THAP5: variants seen among roughly 807,000 people sequenced by gnomAD.
THAP5 encodes THAP domain-containing protein 5.
In THAP5, 26 loss-of-function variants were observed where a neutral mutation model predicts 34.0. The observed-to-expected ratio is 0.77, with a 90% confidence interval of 0.56 to 1.06. THAP5 has a LOEUF of 1.06. THAP5 is among the 50% of genes least tolerant of loss of function. The pLI is 0.00. For synonymous variants in THAP5, 125 were observed against 153.0 expected (o/e 0.82, Z 1.35); for missense variants, 394 against 452.8 (o/e 0.87, Z 1.18).
rs869034514 is a variant in THAP5 at position 108,563,537 on chromosome 7, C to CAAAAAAAAAA, written c.*644_*653dup. 3 of 68,446 alleles carry CAAAAAAAAAA rather than the reference C, an allele frequency of 4.4e-5. No individual in the cohort carries two copies. Among genetic ancestry groups the CAAAAAAAAAA allele is most frequent in the African/African-American group, 5.8e-5 (1 of 17,176 alleles). The allele number at this position is 68,446 out of a possible 1,614,324, so 4.2% of individuals were successfully genotyped here. A position where few individuals can be genotyped will look rare whatever the true frequency, so the allele number is the denominator to read the frequency against. On this transcript the variant is annotated 3_prime_UTR_variant, in exon 3 of 3. Coordinates refer to ENST00000415914, the MANE Select transcript of THAP5 (RefSeq NM_001130475.3). ...TGGGTTACAGAGTGAGACTCCATCTCAAAAAAAAAAAAAAAAAAAAAAAAA... is the reference window on the plus strand; with the variant it reads ...TGGGTTACAGAGTGAGACTCCATCTCAAAAAAAAAAAAAAAAAAAAAAAAAAAAAAAAAAA...
At chr7:108,547,355 G>T in the THAP5 span, among the ~76,000 whole-genome samples, 3 of 152,100 alleles carry the variant, frequency 2.0e-5, no homozygotes, top group Admixed American at 1.3e-4. Flanking sequence ...TAATATTCTA[G>T]TTCATTGTGC....
chr7:108,565,395 C>CGTCTGTA, intron 2 of THAP5: 1 of 218,312 alleles, frequency 4.6e-6, no homozygotes. Flanking sequence ...GGTGAAACCC[C>CGTCTGTA]CATCCCTACT....
chr7:108,569,444 A>G (rs1437709450), intron 1 of THAP5, 46 bp downstream of exon 1: 1 of 1,551,100 alleles, frequency 6.4e-7, no homozygotes, highest in East Asian at 2.4e-5. Flanking sequence ...CCACAGGTCC[A>G]AGGCCTCACG....
intron 1 of THAP5, 77 bp from the exon 2 acceptor site, chr7:108,566,099 T>A: frequency 8.2e-7 from 1 of 1,225,040 alleles, no homozygotes; most frequent in Non-Finnish European, 1.1e-6. Context: ...TCCCACCCTA[T>A]ATATCTGGGT....
chr7:108,569,305 C>A (rs965825680), intron 1 of THAP5, 185 bp downstream of exon 1: 2 of 1,444,998 alleles, frequency 1.4e-6, no homozygotes, highest in Non-Finnish European at 1.8e-6. Flanking sequence ...CAGCAGTCCT[C>A]GCGCAAGAAG....
At chr7:108,561,143 A>G (rs1446110780), downstream of THAP5, among the ~76,000 whole-genome samples, 1 of 152,186 alleles carries the variant, frequency 6.6e-6, no homozygotes, top group East Asian at 1.9e-4. Context: ...CCTTGCAACC[A>G]AAAGAACCCT....
Position 108,563,161 on chromosome 7 carries a change from T to G in THAP5, c.*1030A>C, listed in dbSNP as rs1157536356. 1 of 152,170 alleles carries G rather than the reference T, an allele frequency of 6.6e-6. No homozygotes were observed. The highest frequency in any genetic ancestry group is 2.4e-5 in the African/African-American group (1 of 41,442). The allele number at this position is 152,170 out of a possible 1,614,324, so 9.4% of individuals were successfully genotyped here. A position where few individuals can be genotyped will look rare whatever the true frequency, so the allele number is the denominator to read the frequency against. ...CACATATAAGTTACCGAAATACATATTCTTTCAAGTTTGAAGTACCTCTCC... is the reference window on the plus strand; with the variant it reads ...CACATATAAGTTACCGAAATACATAGTCTTTCAAGTTTGAAGTACCTCTCC... On this transcript the variant is annotated 3_prime_UTR_variant, in exon 3 of 3. Coordinates refer to ENST00000415914, the MANE Select transcript of THAP5 (RefSeq NM_001130475.3).
At position 108,564,738 on chromosome 7, in the gene THAP5, C is replaced by T; in HGVS notation, c.641G>A (p.Ser214Asn). ...TTGAGTTTCCAAAGATTGATGAATA[C>T]TTTCTGAATTTGAAGTTGTCAAAGT... The part of the protein sequence containing the change: ...TITLTTSNSE[S>N]IHQSLETQEV... The change falls in exon 3 of 3, where the codon AGT becomes AAT. Residue 214 changes from serine to asparagine, a missense_variant. Ser to Asn is a conservative substitution (Grantham distance 46). Transcript: ENST00000415914. 1.9e-6 allele frequency: 3 copies of T among 1,613,428 alleles called. No individual in the cohort carries two copies. The highest frequency in any genetic ancestry group is 2.5e-6 in the Non-Finnish European group (3 of 1,179,630).
intron 2 of THAP5, chr7:108,565,554 T>C (rs555338830): frequency 4.4e-6 from 1 of 228,340 alleles, no homozygotes; most frequent in African/African-American, 2.3e-5. Context: ...GGTGACAGAA[T>C]GAGACCTTGT....
chr7:108,556,605 G>A (rs1864387527), intron 1 of THAP5, among the ~76,000 whole-genome samples: 1 of 152,188 alleles, frequency 6.6e-6, no homozygotes. Flanking sequence ...GATGCAAGGG[G>A]TGGGCTCCCA....
chr7:108,566,379 G>A (rs1041852935), intron 1 of THAP5, among the ~76,000 whole-genome samples: 11 of 152,118 alleles, frequency 7.2e-5, no homozygotes, highest in Admixed American at 6.6e-4. Flanking sequence ...CCTAGAACTA[G>A]AAAAAAGGTT....
At chr7:108,561,417 CCAT>C (rs144621247), downstream of THAP5, among the ~76,000 whole-genome samples, 5,122 of 151,208 alleles carry the variant, frequency 0.034, 290 homozygotes, top group African/African-American at 0.12. Flanking sequence ...GCACGCACCA[CCAT>C]GCCTGGCTGA....
downstream of THAP5, among the ~76,000 whole-genome samples, chr7:108,558,525 G>C (rs1056647659): frequency 1.3e-5 from 2 of 150,470 alleles, no homozygotes; most frequent in African/African-American, 4.9e-5. Flanking sequence ...AGCCTCCTGA[G>C]TATCTAGGAT....
downstream of THAP5, among the ~76,000 whole-genome samples, chr7:108,551,626 T>A (rs1864354320): frequency 6.6e-6 from 1 of 152,244 alleles, no homozygotes; most frequent in Non-Finnish European, 1.5e-5. Context: ...TGACTATCAG[T>A]GGACAGAACA....
At chr7:108,554,132 C>A (rs1424157477), downstream of THAP5, among the ~76,000 whole-genome samples, 6 of 152,098 alleles carry the variant, frequency 3.9e-5, no homozygotes, top group African/African-American at 1.4e-4. Context: ...GATGCCAGTG[C>A]CTTCATCTTG....
downstream of THAP5, among the ~76,000 whole-genome samples, chr7:108,561,725 C>A (rs896858130): frequency 1.3e-5 from 2 of 152,140 alleles, no homozygotes; most frequent in African/African-American, 2.4e-5. Context: ...AGTAACACTG[C>A]TGGGCTCATC....
downstream of THAP5, among the ~76,000 whole-genome samples, chr7:108,551,646 T>C (rs148498030): frequency 3.9e-4 from 60 of 152,386 alleles, no homozygotes; most frequent in African/African-American, 1.4e-3. Context: ...ATTTAAAAGC[T>C]GGTGAAAAAC....
intron 1 of THAP5, among the ~76,000 whole-genome samples, chr7:108,555,193 T>A (rs1246274833): frequency 2.6e-5 from 4 of 151,950 alleles, no homozygotes; most frequent in Non-Finnish European, 4.4e-5. Flanking sequence ...GAGACAGAGT[T>A]TTGCTTTTGT....
downstream of THAP5, among the ~76,000 whole-genome samples, chr7:108,561,540 G>A (rs1358177932): frequency 1.3e-5 from 2 of 151,750 alleles, no homozygotes; most frequent in African/African-American, 2.4e-5. Flanking sequence ...AAGTGCTGGG[G>A]TAACAGGCAT....
Sources: gnomAD v4.1 joint callset for allele counts (sites outside exome capture counted in the v4.1 genomes callset) on GRCh38, gnomAD v4.1.1 for gene constraint, MANE v1.5 for transcripts, NCBI Gene and HGNC (gene_info 2026-07-23, HGNC 2026-07-21) for gene names.